The following CACNA1B variants were observed in gnomAD, a reference collection of about 807,000 sequenced individuals.
The protein encoded by CACNA1B is voltage-dependent N-type calcium channel subunit alpha-1B.
CACNA1B carries 70 observed loss-of-function variants against 247.2 expected under a neutral mutation model. The ratio of observed to expected loss-of-function variants is 0.28; its 90% confidence interval spans 0.23 to 0.35. CACNA1B has a LOEUF of 0.35. CACNA1B is among the 10% of genes least tolerant of loss of function. The probability of loss-of-function intolerance (pLI) is 1.00; values close to 1 mark genes in which losing one functional copy is unlikely to be tolerated. For missense variants in CACNA1B, 2,367 were observed against 3,197.4 expected (o/e 0.74, Z 6.26); for synonymous variants, 1,231 against 1,294.4 (o/e 0.95, Z 1.05).
chr9:138,120,981 C>T (rs960571976), intron 46 of CACNA1B, 100 bp downstream of exon 46: 97 of 1,371,814 alleles, frequency 7.1e-5, no homozygotes, highest in Non-Finnish European at 9.3e-5. Flanking sequence ...CTCGCTGCTG[C>T]CCTTTGTCAT....
At chr9:137,966,639 A>C (rs1589037904) in intron 10 of CACNA1B, among the ~76,000 whole-genome samples, 2 of 147,714 alleles carry the variant, frequency 1.4e-5, no homozygotes, top group Non-Finnish European at 3.0e-5. Flanking sequence ...CCTGGGTTCA[A>C]GCCATTCTCC....
chr9:138,074,210 A>G (rs1209153567), intron 34 of CACNA1B, 144 bp downstream of exon 34: 1 of 683,036 alleles, frequency 1.5e-6, no homozygotes, highest in Non-Finnish European at 2.6e-6. Context: ...TGCTTTGAGC[A>G]CTTGCTGAAC....
chr9:137,908,747 C>T (rs929106109), intron 3 of CACNA1B, among the ~76,000 whole-genome samples: 22 of 151,424 alleles, frequency 1.5e-4, no homozygotes, highest in African/African-American at 5.1e-4. Context: ...TCTCCTGCCT[C>T]AGCCTTCCGA....
chr9:138,030,781 T>G (rs1025153635), intron 20 of CACNA1B, among the ~76,000 whole-genome samples: 5 of 152,160 alleles, frequency 3.3e-5, no homozygotes, highest in African/African-American at 1.2e-4. Flanking sequence ...ATTGGATGAG[T>G]TGTAGTAGTT....
rs987707138 is a variant in CACNA1B at position 137,899,261 on chromosome 9, A to AT, written c.531-13908dup. ...TCCACCATGCCAGGCTAATTTTTGT[A>AT]TTTTTTTTTTTAGTAGAGGTGGGGT... On this transcript the variant is annotated intron_variant, in intron 3 of 46. Transcript: ENST00000371372. The surrounding 1 kb of genome is among the most constrained non-coding windows in gnomAD (Gnocchi z 5.0). Among the ~76,000 whole-genome samples the AT allele has an allele frequency of 0.01, 1,421 of 140,412 alleles. 18 individuals carry two copies. Among genetic ancestry groups the AT allele is most frequent in the African/African-American group, 0.035 (1,330 of 38,226 alleles). The allele number at this position is 140,412 out of a possible 152,430, so 92.1% of individuals were successfully genotyped here. A position where few individuals can be genotyped will look rare whatever the true frequency, so the allele number is the denominator to read the frequency against.
rs190872527 is a variant in CACNA1B, at chr9:137,957,355, T to G, written c.1244-243T>G. Among the ~76,000 whole-genome samples, 645 of 152,316 alleles carry G rather than the reference T, an allele frequency of 4.2e-3. 3 individuals are homozygous for G. Among genetic ancestry groups the G allele is most frequent in the Non-Finnish European group, 6.9e-3 (470 of 68,016 alleles). ...CTCCCTGGTGGCCAGGCCTCCCCAC[T>G]GGCCTCATTTTGGAAGAAAGGGAAA... On this transcript the variant is annotated intron_variant, in intron 9 of 46. Transcript: ENST00000371372. This position sits in a 1 kb window ranked among gnomAD's most constrained non-coding sequence, Gnocchi z 4.7.
intron 3 of CACNA1B, among the ~76,000 whole-genome samples, chr9:137,894,302 A>ATTTTTTT (rs56794355): frequency 1.6e-3 from 150 of 95,942 alleles, no homozygotes; most frequent in African/African-American, 2.9e-3. Context: ...TTGTCTCTGT[A>ATTTTTTT]TTTTTTTTTT....
intron 15 of CACNA1B, among the ~76,000 whole-genome samples, chr9:137,993,085 A>G (rs1376401764): frequency 6.6e-6 from 1 of 152,178 alleles, no homozygotes; most frequent in African/African-American, 2.4e-5. Flanking sequence ...AGAAAGACTG[A>G]AAGAGCACAA....
At chr9:137,972,757 T>C (rs944641389) in intron 11 of CACNA1B, among the ~76,000 whole-genome samples, 24 of 152,144 alleles carry the variant, frequency 1.6e-4, no homozygotes, top group African/African-American at 5.6e-4. Flanking sequence ...AAACTTGACA[T>C]TGAAATCTAC....
chr9:138,028,149 A>T (rs1356353433), intron 20 of CACNA1B, among the ~76,000 whole-genome samples: 2 of 147,434 alleles, frequency 1.4e-5, no homozygotes, highest in African/African-American at 5.0e-5. Flanking sequence ...CAGCCTCTCG[A>T]GTAGCTGGGA....
In CACNA1B at chr9:137,879,617, A is replaced by G. The variant is rs553367656; in HGVS notation, c.390+458A>G. 1.1e-4 allele frequency among the ~76,000 whole-genome samples: 17 copies of G among 151,244 alleles called. No individual in the cohort carries two copies. The East Asian group carries it at 2.9e-3, about 26-fold the overall frequency. ...GTTGTCTTGTGCGGGCCTGCTTGGA[A>G]CCTCTTCTCCAGTGGGCCTCACCAT... On this transcript the variant is annotated intron_variant, in intron 2 of 46. Coordinates refer to ENST00000371372, the MANE Select transcript of CACNA1B (RefSeq NM_000718.4).
intron 15 of CACNA1B, among the ~76,000 whole-genome samples, chr9:138,000,260 G>C (rs377449426): frequency 1.4e-4 from 22 of 151,920 alleles, no homozygotes; most frequent in Middle Eastern, 3.4e-3. Context: ...CACTACGCCC[G>C]GCTAATTTTT....
rs781273293 is a variant in CACNA1B, at chr9:138,043,781, C to A, written c.3294C>A (p.Asn1098Lys). 6.2e-7 allele frequency: 1 copy of A among 1,613,802 alleles called. No homozygotes were observed. Among genetic ancestry groups the A allele is most frequent in the Admixed American group, 1.7e-5 (1 of 60,008 alleles). ...LGEATVVPSG[N>K]VDLESQAEGK... Reference sequence around the variant, plus strand: ...GGCCCTGTGTCCTTGTAGGTGGTAACGTGGACCTGGAAAGCCAAGCAGAGG... The same window carrying A: ...GGCCCTGTGTCCTTGTAGGTGGTAAAGTGGACCTGGAAAGCCAAGCAGAGG... Residue 1098 changes from asparagine to lysine, a missense_variant, in exon 21 of 47, where the codon AAC (asparagine) becomes AAA (lysine). Asn to Lys is a moderately conservative substitution (Grantham distance 94). Transcript: ENST00000371372.
At chr9:138,042,458 C>T (rs1490853439) in intron 20 of CACNA1B, among the ~76,000 whole-genome samples, 1 of 150,932 alleles carries the variant, frequency 6.6e-6, no homozygotes, top group Admixed American at 6.6e-5. Flanking sequence ...TCAAATTAAA[C>T]AAAAACAAAA....
At chr9:137,886,069 G>T (rs1200097667) in intron 3 of CACNA1B, among the ~76,000 whole-genome samples, 1 of 151,506 alleles carries the variant, frequency 6.6e-6, no homozygotes, top group Non-Finnish European at 1.5e-5. Flanking sequence ...TTTCCAGGAG[G>T]GCTCCTGGCG....
At chr9:138,116,030 C>T (rs551424359) in intron 42 of CACNA1B, among the ~76,000 whole-genome samples, 252 of 152,312 alleles carry the variant, frequency 1.7e-3, no homozygotes, top group African/African-American at 5.9e-3. Flanking sequence ...GGTGCTTCAT[C>T]GAACCCGCCT....
intron 10 of CACNA1B, among the ~76,000 whole-genome samples, chr9:137,969,822 G>C (rs998150285): frequency 6.6e-6 from 1 of 152,210 alleles, no homozygotes; most frequent in African/African-American, 2.4e-5. Context: ...TCTGTGCACA[G>C]CTCTGCCTGT....
intron 23 of CACNA1B, among the ~76,000 whole-genome samples, chr9:138,048,584 T>C (rs1280694255): frequency 6.6e-6 from 1 of 152,150 alleles, no homozygotes; most frequent in Non-Finnish European, 1.5e-5. Flanking sequence ...GTCTCTAAGG[T>C]GCACTGATGT....
At chr9:137,915,473 T>A (rs1957399615) in intron 5 of CACNA1B, among the ~76,000 whole-genome samples, 1 of 151,850 alleles carries the variant, frequency 6.6e-6, no homozygotes, top group South Asian at 2.1e-4. Flanking sequence ...TATGTGGGGG[T>A]AAGAGAAACA....
Sources: gnomAD v4.1 joint callset for allele counts (sites outside exome capture counted in the v4.1 genomes callset) on GRCh38, gnomAD v4.1.1 for gene constraint, Gnocchi (gnomAD v3.1) non-coding constraint, MANE v1.5 for transcripts, NCBI Gene and HGNC (gene_info 2026-07-23, HGNC 2026-07-21) for gene names.